PRKAR1A: variants seen among roughly 807,000 people sequenced by gnomAD.
PRKAR1A encodes protein kinase cAMP-dependent type I regulatory subunit alpha.
A neutral mutation model predicts 52.0 loss-of-function variants in PRKAR1A; 3 were observed. The ratio of observed to expected loss-of-function variants is 0.06; its 90% CI spans 0.03 to 0.15. The LOEUF is 0.15. Among genes scored for constraint, PRKAR1A ranks in the 10% least tolerant of loss-of-function variants. PRKAR1A has a pLI of 1.00. For missense variants in PRKAR1A, 240 were observed against 477.4 expected (o/e 0.50, Z 4.63); for synonymous variants, 188 against 168.4 (o/e 1.12, Z -0.90).
At chr17:68,527,068 T>G (rs1390704913) in intron 7 of PRKAR1A, among the ~76,000 whole-genome samples, 1 of 152,222 alleles carries the variant, frequency 6.6e-6, no homozygotes, top group Non-Finnish European at 1.5e-5. Context: ...AAAGGAAACA[T>G]AGAATGTTTA....
At chr17:68,425,157 G>A in the PRKAR1A span, among the ~76,000 whole-genome samples, 5 of 152,186 alleles carry the variant, frequency 3.3e-5, no homozygotes, top group Admixed American at 6.5e-5. Context: ...AAAGGTGCTC[G>A]GGCAAGCTCC....
chr17:68,451,301 G>C, the PRKAR1A span, among the ~76,000 whole-genome samples: 2 of 152,096 alleles, frequency 1.3e-5, no homozygotes, highest in South Asian at 2.1e-4. Flanking sequence ...AGGTATGGTG[G>C]TGCACACCTG....
chr17:68,501,175 T>C, the PRKAR1A span, among the ~76,000 whole-genome samples: 1 of 152,192 alleles, frequency 6.6e-6, no homozygotes, highest in African/African-American at 2.4e-5. Context: ...TGACTCTTCA[T>C]TTCTCACTCT....
chr17:68,464,933 T>TTG, the PRKAR1A span, among the ~76,000 whole-genome samples: 1 of 149,958 alleles, frequency 6.7e-6, no homozygotes, highest in South Asian at 2.1e-4. Context: ...AGTGTGGGTT[T>TTG]TTTTTTTTTT....
chr17:68,459,516 A>G, the PRKAR1A span, among the ~76,000 whole-genome samples: 1 of 152,234 alleles, frequency 6.6e-6, no homozygotes, highest in African/African-American at 2.4e-5. Flanking sequence ...AGAACAAATT[A>G]GAAGTGGGAA....
intron 6 of PRKAR1A, 73 bp downstream of exon 6, chr17:68,525,031 T>C (rs2085743261): frequency 7.8e-7 from 1 of 1,286,786 alleles, no homozygotes; most frequent in East Asian, 2.3e-5. Flanking sequence ...GCAATAAGAA[T>C]AGTGATTTTG....
At chr17:68,525,727 A>G (rs775691462) in intron 6 of PRKAR1A, 27 bp from the exon 7 acceptor site, 3 of 1,612,682 alleles carry the variant, frequency 1.9e-6, no homozygotes, top group Middle Eastern at 1.7e-4. Flanking sequence ...TAGAAAATAA[A>G]CTTTTTTGAT....
exon 12 of PRKAR1A, chr17:68,551,144 A>G (rs2086817349): frequency 2.4e-6 from 3 of 1,233,020 alleles, no homozygotes; most frequent in East Asian, 6.3e-5. Flanking sequence ...GCCGAACTCT[A>G]GGAGACCCTA....
the PRKAR1A span, among the ~76,000 whole-genome samples, chr17:68,495,637 C>T: frequency 1.3e-5 from 2 of 152,162 alleles, no homozygotes; most frequent in Non-Finnish European, 2.9e-5. Flanking sequence ...TACTCATTTA[C>T]TCATCACATA....
At chr17:68,551,261 T>G in exon 12 of PRKAR1A, 2 of 627,490 alleles carry the variant, frequency 3.2e-6, no homozygotes, top group Non-Finnish European at 4.6e-6. Flanking sequence ...TTCACAAAAT[T>G]TTCAAGGCAT....
chr17:68,461,121 C>T, the PRKAR1A span, among the ~76,000 whole-genome samples: 49 of 138,674 alleles, frequency 3.5e-4, no homozygotes, highest in African/African-American at 1.2e-3. The surrounding 1 kb of genome is among the most constrained non-coding windows in gnomAD (Gnocchi z 4.6). Context: ...TGCTTTGTTC[C>T]AGTGGGAATA....
Position 68,527,875 on chromosome 17 carries a change from A to G in PRKAR1A, c.744A>G (p.Glu248=), listed in dbSNP as rs1275197556. 6.2e-7 allele frequency: 1 copy of G among 1,612,394 alleles called. No individual in the cohort carries two copies. The highest frequency in any genetic ancestry group is 1.3e-5 in the African/African-American group (1 of 74,860). Residue 248 remains glutamate (E), a synonymous_variant, in exon 8 of 11, where the codon GAA becomes GAG. Coordinates refer to ENST00000589228, the MANE Select transcript of PRKAR1A (RefSeq NM_002734.5). ...STLRKRKMYE[E]FLSKVSILES... Reference sequence around the variant, plus strand: ...TGAGAAAGCGGAAGATGTATGAGGAATTCCTTAGTAAAGTCTCTATTTTAG... The same window carrying G: ...TGAGAAAGCGGAAGATGTATGAGGAGTTCCTTAGTAAAGTCTCTATTTTAG...
At chr17:68,442,493 T>A in the PRKAR1A span, among the ~76,000 whole-genome samples, 5 of 148,176 alleles carry the variant, frequency 3.4e-5, no homozygotes, top group African/African-American at 1.2e-4. Context: ...AGGAGAAACA[T>A]CTGTTTGCAA....
intron 2 of PRKAR1A, among the ~76,000 whole-genome samples, chr17:68,522,089 T>G (rs1318730293): frequency 6.6e-6 from 1 of 152,370 alleles, no homozygotes; most frequent in East Asian, 1.9e-4. Flanking sequence ...GGGAGAAGTA[T>G]TATAGATACG....
At chr17:68,426,139 A>T in the PRKAR1A span, 1 of 1,611,160 alleles carries the variant, frequency 6.2e-7, no homozygotes, top group Non-Finnish European at 8.5e-7. Flanking sequence ...TTCAGGAATA[A>T]CTTCTCCTCG....
chr17:68,455,906 C>T, the PRKAR1A span, among the ~76,000 whole-genome samples: 2 of 152,196 alleles, frequency 1.3e-5, no homozygotes, highest in Non-Finnish European at 2.9e-5. Flanking sequence ...GAAAACATCA[C>T]CCAGGCATTT....
At chr17:68,512,400 C>T (rs926799231), upstream of PRKAR1A, 1 of 152,996 alleles carries the variant, frequency 6.5e-6, no homozygotes, top group African/African-American at 2.4e-5. Context: ...TAGCCGAACG[C>T]TGATTGGCTG....
chr17:68,521,844 T>G (rs1250757861), intron 2 of PRKAR1A, among the ~76,000 whole-genome samples: 2 of 152,182 alleles, frequency 1.3e-5, no homozygotes, highest in Non-Finnish European at 2.9e-5. Flanking sequence ...AATGAGAAAG[T>G]AGAAGATAAC....
chr17:68,492,698 A>G, the PRKAR1A span, among the ~76,000 whole-genome samples: 1 of 152,184 alleles, frequency 6.6e-6, no homozygotes, highest in Non-Finnish European at 1.5e-5. Flanking sequence ...AGTCTGCAGC[A>G]ACCTCAATTC....
Sources: allele counts gnomAD v4.1 joint callset (sites outside exome capture counted in the v4.1 genomes callset), GRCh38; gene constraint gnomAD v4.1.1; non-coding constraint Gnocchi (gnomAD v3.1); transcripts MANE v1.5; gene names NCBI Gene and HGNC (gene_info 2026-07-23, HGNC 2026-07-21).